Variants in OTUD7B observed in about 807,000 individuals in gnomAD.
OTUD7B encodes OTU domain-containing protein 7B.
OTUD7B carries 34 observed loss-of-function variants against 82.2 expected under a neutral mutation model. The observed-to-expected ratio is 0.41, with a 90% CI of 0.31 to 0.55. The LOEUF (loss-of-function observed/expected upper bound fraction) is 0.55, where lower values mean the gene tolerates loss of function less well. Among genes scored for constraint, OTUD7B ranks in the 20% least tolerant of loss-of-function variants. The probability of loss-of-function intolerance (pLI) is 0.20; values close to 1 mark genes in which losing one functional copy is unlikely to be tolerated. For synonymous variants in OTUD7B, 398 were observed against 402.7 expected (o/e 0.99, Z 0.14); for missense variants, 944 against 1,062.1 (o/e 0.89, Z 1.55).
chr1:149,959,940 A>G, intron 6 of OTUD7B, 144 bp from the exon 7 acceptor site: 1 of 621,978 alleles, frequency 1.6e-6, no homozygotes, highest in South Asian at 1.9e-5. Context: ...CAAATCTCTT[A>G]TCTCTTTTAC....
In OTUD7B at chr1:149,941,768, A is replaced by C. The variant is rs1647273158; in HGVS notation, c.*2089T>G. ...TTATCCAACATAAATTTTTTGCATT[A>C]ATTTTTTTAAATACTGCATTTTTTA... On this transcript the variant is annotated 3_prime_UTR_variant, in exon 12 of 12. Coordinates refer to ENST00000581312, the MANE Select transcript of OTUD7B (RefSeq NM_020205.4). 1 of 152,162 alleles carries C rather than the reference A, an allele frequency of 6.6e-6. No homozygotes were observed. Among genetic ancestry groups the C allele is most frequent in the Non-Finnish European group, 1.5e-5 (1 of 68,040 alleles). The allele number at this position is 152,162 out of a possible 1,614,324, so 9.4% of individuals were successfully genotyped here.
intron 1 of OTUD7B, among the ~76,000 whole-genome samples, chr1:149,982,082 G>A (rs1650777115): frequency 6.6e-6 from 1 of 152,164 alleles, no homozygotes; most frequent in Non-Finnish European, 1.5e-5. Context: ...CCGGGAGGCG[G>A]AGCTTGCAGT....
the OTUD7B span, among the ~76,000 whole-genome samples, chr1:150,059,617 G>T: frequency 1.3e-5 from 2 of 151,718 alleles, no homozygotes; most frequent in African/African-American, 4.8e-5. Flanking sequence ...TGATCTGCCC[G>T]CCTCAGCCTC....
At chr1:150,046,706 C>T in the OTUD7B span, among the ~76,000 whole-genome samples, 1 of 150,570 alleles carries the variant, frequency 6.6e-6, no homozygotes, top group African/African-American at 2.4e-5. Flanking sequence ...GCCTCGTCCT[C>T]CCAAAGTGCT....
At chr1:149,949,835 C>T (rs1460698032) in intron 8 of OTUD7B, 57 bp from the exon 9 acceptor site, 1 of 1,550,488 alleles carries the variant, frequency 6.4e-7, no homozygotes, top group African/African-American at 1.4e-5. Context: ...GTGGACAATC[C>T]CTACATCCCA....
intron 1 of OTUD7B, among the ~76,000 whole-genome samples, chr1:149,986,365 T>A (rs1651143918): frequency 6.6e-6 from 1 of 152,210 alleles, no homozygotes; most frequent in Admixed American, 6.5e-5. Context: ...TATACGACTT[T>A]ATTTGCAACA....
intron 2 of OTUD7B, among the ~76,000 whole-genome samples, chr1:149,973,169 T>C (rs1650046494): frequency 6.6e-6 from 1 of 152,236 alleles, no homozygotes; most frequent in Non-Finnish European, 1.5e-5. Context: ...CTCTATCTGG[T>C]CTCTCTGCTC....
the OTUD7B span, among the ~76,000 whole-genome samples, chr1:150,062,708 C>CTTT: frequency 0.013 from 1,278 of 95,892 alleles, 26 homozygotes; most frequent in Middle Eastern, 0.025. Context: ...CTTCTTCTTT[C>CTTT]TTTTTTTTTT....
rs1433663861 is a variant in OTUD7B at position 149,943,982 on chromosome 1, T to C, written c.2407A>G (p.Lys803Glu). Residue 803 changes from lysine to glutamate, a missense_variant, in exon 12 of 12, where the codon AAA becomes GAA. Lys to Glu is a moderately conservative substitution (Grantham distance 56). Transcript: ENST00000581312. The stretch of plus-strand genomic sequence containing the variant: ...CCATAGAAGCTGCAGTTCGGTTGTT[T>C]GCATTTGGTCTGAGTTGGGGGAAGG... ...RGLPPTQTKCKQPNCSFYGHP... is the reference protein window; with the variant it reads ...RGLPPTQTKCEQPNCSFYGHP... 4 of 1,614,122 alleles carry C rather than the reference T, an allele frequency of 2.5e-6. No individual in the cohort carries two copies. The highest frequency in any genetic ancestry group is 3.4e-6 in the Non-Finnish European group (4 of 1,180,046).
chr1:149,991,695 C>T (rs1651579223), intron 1 of OTUD7B, among the ~76,000 whole-genome samples: 1 of 152,150 alleles, frequency 6.6e-6, no homozygotes, highest in Admixed American at 6.6e-5. Context: ...TATAGTAAAA[C>T]TGAGTACCGA....
the OTUD7B span, among the ~76,000 whole-genome samples, chr1:150,022,428 T>A: frequency 1.7e-5 from 2 of 119,064 alleles, no homozygotes; most frequent in African/African-American, 3.1e-5. Flanking sequence ...AAAAAATAAC[T>A]ACATGCTGAA....
chr1:149,939,315 C>T lies in OTUD7B; in HGVS notation c.*4542G>A, dbSNP rs782047283. The T allele has an allele frequency of 3.3e-5, 5 of 152,368 alleles. No individual in the cohort carries two copies. The highest frequency in any genetic ancestry group is 2.1e-4 in the South Asian group (1 of 4,828). The allele number at this position is 152,368 out of a possible 1,614,324, so 9.4% of individuals were successfully genotyped here. A position where few individuals can be genotyped will look rare whatever the true frequency, so the allele number is the denominator to read the frequency against. ...CTCTTAACTGCTGCCAGCCAGCTTC[C>T]GTTGCTCTTTTGTACTGCCCCTTAC... On this transcript the variant is annotated 3_prime_UTR_variant, in exon 12 of 12. Transcript: ENST00000581312.
chr1:150,054,234 T>C, the OTUD7B span: 1 of 445,990 alleles, frequency 2.2e-6, no homozygotes, highest in Non-Finnish European at 4.3e-6. Context: ...CTTTCAAAGC[T>C]GTTGAGCCAA....
the OTUD7B span, among the ~76,000 whole-genome samples, chr1:150,035,624 C>G: frequency 6.6e-6 from 1 of 152,254 alleles, no homozygotes; most frequent in South Asian, 2.1e-4. Context: ...TTTACAGTTG[C>G]AATAATAGTA....
intron 1 of OTUD7B, among the ~76,000 whole-genome samples, chr1:149,982,175 T>A (rs906964396): frequency 1.4e-5 from 2 of 144,358 alleles, no homozygotes; most frequent in Non-Finnish European, 1.5e-5. Context: ...TAAATAAATA[T>A]AAAAAATAAA....
chr1:150,054,246 G>GA, the OTUD7B span: 1 of 451,810 alleles, frequency 2.2e-6, no homozygotes, highest in Non-Finnish European at 4.3e-6. Context: ...TTGAGCCAAG[G>GA]AAAAAAACCC....
chr1:150,039,485 C>G, the OTUD7B span, among the ~76,000 whole-genome samples: 1 of 152,116 alleles, frequency 6.6e-6, no homozygotes, highest in Non-Finnish European at 1.5e-5. Context: ...TCAAGCCATT[C>G]TCCTGCCTCG....
chr1:150,020,477 C>A, the OTUD7B span, among the ~76,000 whole-genome samples: 2 of 152,110 alleles, frequency 1.3e-5, no homozygotes, highest in Non-Finnish European at 2.9e-5. Flanking sequence ...GTGGAGGTTG[C>A]AGTGAGCCAA....
chr1:150,025,500 G>T, the OTUD7B span, among the ~76,000 whole-genome samples: 4 of 151,724 alleles, frequency 2.6e-5, no homozygotes, highest in African/African-American at 9.7e-5. Context: ...CTGAAACCCA[G>T]GGCTAAAATG....
Sources: allele counts gnomAD v4.1 joint callset (sites outside exome capture counted in the v4.1 genomes callset), GRCh38; gene constraint gnomAD v4.1.1; transcripts MANE v1.5; gene names NCBI Gene and HGNC (gene_info 2026-07-23, HGNC 2026-07-21).